The following DTX2 variants were observed in gnomAD, a reference collection of about 807,000 sequenced individuals.
DTX2 encodes deltex E3 ubiquitin ligase 2, also known as probable E3 ubiquitin-protein ligase DTX2.
Under a neutral mutation model 55.3 loss-of-function variants are expected in DTX2, and 29 were observed. The ratio of observed to expected loss-of-function variants is 0.52; its 90% CI spans 0.39 to 0.71. DTX2 has a LOEUF of 0.71. Among genes scored for constraint, DTX2 ranks in the 30% least tolerant of loss-of-function variants. The pLI is 0.00. For missense variants in DTX2, 537 were observed against 822.5 expected (o/e 0.65, Z 4.25); for synonymous variants, 276 against 340.4 (o/e 0.81, Z 2.08).
intron 2 of DTX2, among the ~76,000 whole-genome samples, chr7:76,467,904 C>A (rs1807350586): frequency 6.6e-6 from 1 of 152,390 alleles, no homozygotes; most frequent in South Asian, 2.1e-4. Flanking sequence ...GGACGAAGGG[C>A]ATGAAACATC....
rs763824482 is a variant in DTX2 at position 76,503,511 on chromosome 7, G to A, written c.1475G>A (p.Arg492Gln). The A allele has an allele frequency of 6.8e-6, 11 of 1,612,930 alleles. No individual in the cohort carries two copies. Among genetic ancestry groups the A allele is most frequent in the Admixed American group, 3.3e-5 (2 of 60,010 alleles). The change falls in exon 9 of 11, where the codon CGG becomes CAG. Residue 492 changes from arginine (R) to glutamine (Q), a missense_variant. By Grantham distance (43) the Arg-to-Gln change is conservative (BLOSUM62 1). This residue lies in a region of DTX2 where 121 missense variants were observed against 136.8 expected (regional missense o/e 0.88). Coordinates refer to ENST00000430490, the MANE Select transcript of DTX2 (RefSeq NM_001102594.3). ...CCCCAGGGAAAGATGGAGGTATTAC[G>A]GTTCCAGATGTCGCTCCCCGGCCAC... ...TQPQGKMEVL[R>Q]FQMSLPGHED...
chr7:76,500,821 G>C (rs1811582937), intron 7 of DTX2, among the ~76,000 whole-genome samples: 1 of 152,062 alleles, frequency 6.6e-6, no homozygotes, highest in Non-Finnish European at 1.5e-5. Context: ...GGGCCAGCCT[G>C]CCCCACTCTC....
chr7:76,475,602 G>A (rs1808464624), intron 2 of DTX2, among the ~76,000 whole-genome samples: 2 of 149,736 alleles, frequency 1.3e-5, no homozygotes, highest in Non-Finnish European at 3.0e-5. Context: ...CAGGAGAACT[G>A]CTTGAACCCG....
intron 2 of DTX2, among the ~76,000 whole-genome samples, chr7:76,477,742 G>A (rs1328649388): frequency 7.4e-6 from 1 of 136,038 alleles, no homozygotes; most frequent in Non-Finnish European, 1.6e-5. Flanking sequence ...TGGGGCTGCA[G>A]TGAGTGGTGA....
At chr7:76,480,900 C>T (rs1010786904) in intron 3 of DTX2, 123 bp downstream of exon 3, 10 of 1,172,590 alleles carry the variant, frequency 8.5e-6, no homozygotes, top group African/African-American at 3.1e-5. Flanking sequence ...CTGCAGCACA[C>T]GTGGTGGTGG....
chr7:76,474,907 G>A (rs928530478), intron 2 of DTX2: 2 of 152,094 alleles, frequency 1.3e-5, no homozygotes, highest in African/African-American at 2.4e-5. Context: ...CCTCAGCCAC[G>A]ATCCTCTGGA....
intron 4 of DTX2, 124 bp downstream of exon 4, chr7:76,483,271 T>C (rs1809531851): frequency 1.6e-6 from 2 of 1,214,970 alleles, no homozygotes; most frequent in Non-Finnish European, 1.1e-6. Flanking sequence ...GGCATCTCAT[T>C]TGCATGTGGC....
intron 4 of DTX2, among the ~76,000 whole-genome samples, chr7:76,486,789 A>G (rs1809948542): frequency 7.2e-6 from 1 of 139,460 alleles, no homozygotes; most frequent in African/African-American, 2.6e-5. Flanking sequence ...TCTGTGCTGA[A>G]TGGCTCAGTG....
At chr7:76,492,439 C>T (rs1256177736) in intron 5 of DTX2, among the ~76,000 whole-genome samples, 186 bp downstream of exon 5, 1 of 138,504 alleles carries the variant, frequency 7.2e-6, no homozygotes, top group Non-Finnish European at 1.5e-5. Flanking sequence ...CCTCCTTTTG[C>T]TCTCTGGGTA....
chr7:76,505,615 C>A lies in DTX2; in HGVS notation c.*14C>A. On this transcript the variant is annotated 3_prime_UTR_variant, in exon 11 of 11. Transcript: ENST00000430490. This position sits in a 1 kb window ranked among gnomAD's most constrained non-coding sequence, Gnocchi z 4.4. ...GAGCAGCAGTGACCTCGCACCCCAG[C>A]ACGCCCGCCTCTGGTGGCCACCCCG... is the stretch of plus-strand genomic sequence containing the variant. 6.6e-7 allele frequency: 1 copy of A among 1,504,508 alleles called. No individual in the cohort carries two copies. Among genetic ancestry groups the A allele is most frequent in the Non-Finnish European group, 8.8e-7 (1 of 1,130,132 alleles). 93.2% of individuals were successfully genotyped at this position (1,504,508 alleles called of 1,614,324 possible).
intron 2 of DTX2, chr7:76,474,749 G>A (rs576313480): frequency 2.0e-5 from 3 of 152,064 alleles, no homozygotes; most frequent in African/African-American, 7.2e-5. Flanking sequence ...AGCTGGGCAG[G>A]GTGATTTCCA....
chr7:76,498,991 AGGTGTGTAG>A (rs371033766), intron 6 of DTX2, among the ~76,000 whole-genome samples: 12 of 15,792 alleles, frequency 7.6e-4, no homozygotes, highest in African/African-American at 5.1e-3. Context: ...TGGAGGGGTG[AGGTGTGTAG>A]GGTGTGTAGA....
Position 76,505,868 on chromosome 7 carries a change from C to T in DTX2, c.*267C>T, listed in dbSNP as rs1812291548. ...CCCGTCTGTCCTCTGGGGGCTGCTT[C>T]GGGCCCGCGGTGCTCGGGGCCTGGT... On this transcript the variant is annotated 3_prime_UTR_variant, in exon 11 of 11. Coordinates refer to ENST00000430490, the MANE Select transcript of DTX2 (RefSeq NM_001102594.3). The surrounding 1 kb of genome is among the most constrained non-coding windows in gnomAD (Gnocchi z 4.4). 1 of 578,218 alleles carries T rather than the reference C, an allele frequency of 1.7e-6. No homozygotes were observed. 35.8% of individuals were successfully genotyped at this position (578,218 alleles called of 1,614,324 possible). A position where few individuals can be genotyped will look rare whatever the true frequency, so the allele number is the denominator to read the frequency against.
In DTX2 at chr7:76,483,010, T is replaced by G; in HGVS notation, c.771T>G (p.Ser257=). 1.9e-6 allele frequency: 3 copies of G among 1,613,570 alleles called. No homozygotes were observed. In the South Asian group the frequency reaches 3.3e-5, roughly 18 times the overall value. ...YNKPSLSGAR[S]APRLNTTNAW... ...AACCCTCACTCTCCGGGGCCCGGTC[T>G]GCGCCCAGGCTGAACACCACCAACG... Residue 257 remains serine (S), a synonymous_variant, in exon 4 of 11, where the codon TCT becomes TCG. Transcript: ENST00000430490.
At chr7:76,481,432 C>G (rs1443043797) in intron 3 of DTX2, among the ~76,000 whole-genome samples, 4 of 152,156 alleles carry the variant, frequency 2.6e-5, no homozygotes, top group Non-Finnish European at 4.4e-5. Flanking sequence ...GGTGATCTGC[C>G]TGCCTCGGCC....
chr7:76,473,905 A>G (rs1471903065), intron 2 of DTX2, among the ~76,000 whole-genome samples: 1 of 125,010 alleles, frequency 8.0e-6, no homozygotes, highest in Non-Finnish European at 1.7e-5. Context: ...AACGTCCCAC[A>G]TTTCTGTGTT....
intron 2 of DTX2, among the ~76,000 whole-genome samples, chr7:76,471,663 G>A (rs2116233644): frequency 6.6e-6 from 1 of 151,124 alleles, no homozygotes; most frequent in Non-Finnish European, 1.5e-5. Context: ...TCAAAGTGCT[G>A]GGATCACAAG....
chr7:76,484,385 C>CA (rs1370718408), intron 4 of DTX2, among the ~76,000 whole-genome samples: 1 of 128,756 alleles, frequency 7.8e-6, no homozygotes, highest in African/African-American at 2.9e-5. Flanking sequence ...GGAACCCCCC[C>CA]AGGATTTCCC....
At chr7:76,471,845 G>T (rs533114148) in intron 2 of DTX2, among the ~76,000 whole-genome samples, 1 of 151,406 alleles carries the variant, frequency 6.6e-6, no homozygotes, top group African/African-American at 2.5e-5. Flanking sequence ...GTGGGTTCTT[G>T]GTTCTGGAGA....
Sources: allele counts gnomAD v4.1 joint callset (sites outside exome capture counted in the v4.1 genomes callset), GRCh38; gene constraint gnomAD v4.1.1; regional missense constraint gnomAD v4.1.1; non-coding constraint Gnocchi (gnomAD v3.1); transcripts MANE v1.5; gene names NCBI Gene and HGNC (gene_info 2026-07-23, HGNC 2026-07-21).